B3GLCT: variants seen among roughly 807,000 people sequenced by gnomAD.
The protein encoded by B3GLCT is beta 3-glucosyltransferase.
In B3GLCT, 65 loss-of-function variants were observed where a neutral mutation model predicts 63.4. That is an observed-to-expected ratio of 1.03 (90% CI 0.84 to 1.26). The LOEUF (loss-of-function observed/expected upper bound fraction) is 1.26. Among genes scored for constraint, B3GLCT ranks in the 50% most tolerant of loss-of-function variants. B3GLCT has a pLI of 0.00. For synonymous variants in B3GLCT, 233 were observed against 219.2 expected (o/e 1.06, Z -0.55); for missense variants, 577 against 604.8 (o/e 0.95, Z 0.48).
intron 12 of B3GLCT, among the ~76,000 whole-genome samples, chr13:31,295,240 G>A (rs1222656777): frequency 6.6e-6 from 1 of 152,198 alleles, no homozygotes; most frequent in East Asian, 1.9e-4. Context: ...TGCTGTATGA[G>A]GAGTCTGTCG....
intron 12 of B3GLCT, chr13:31,313,054 A>G (rs1874804415): frequency 6.6e-6 from 1 of 152,226 alleles, no homozygotes; most frequent in Non-Finnish European, 1.5e-5. Context: ...TTGAGCACCA[A>G]CACTTGTCAC....
At chr13:31,245,678 G>A (rs963467204) in intron 4 of B3GLCT, among the ~76,000 whole-genome samples, 10 of 152,104 alleles carry the variant, frequency 6.6e-5, no homozygotes, top group Non-Finnish European at 1.0e-4. Context: ...GCTCACATTT[G>A]CATTTACCCA....
chr13:31,250,080 A>G (rs957306010), intron 6 of B3GLCT, among the ~76,000 whole-genome samples: 1 of 152,154 alleles, frequency 6.6e-6, no homozygotes, highest in Non-Finnish European at 1.5e-5. Flanking sequence ...ATTTCTATAA[A>G]TTTTTGTATG....
In B3GLCT at chr13:31,285,549, T is replaced by C. The variant is rs572880019; in HGVS notation, c.964+788T>C. On this transcript the variant is annotated intron_variant, in intron 11 of 14. Transcript: ENST00000343307. ...TTTATTCATCTTAAGTTTTATCCAG[T>C]GTTCCTGCCACCCTTTGTTCTTTAG... 4.1e-4 allele frequency among the ~76,000 whole-genome samples: 62 copies of C among 150,050 alleles called. 2 individuals carry two copies. The South Asian group carries it at 0.012, about 29-fold the overall frequency.
chr13:31,236,262 A>G (rs1266530084), intron 4 of B3GLCT, among the ~76,000 whole-genome samples: 1 of 152,194 alleles, frequency 6.6e-6, no homozygotes, highest in African/African-American at 2.4e-5. Context: ...AAATAGCTAC[A>G]TTTCTTTAAA....
At chr13:31,237,763 C>T (rs1172352697) in intron 4 of B3GLCT, among the ~76,000 whole-genome samples, 1 of 152,106 alleles carries the variant, frequency 6.6e-6, no homozygotes, top group Non-Finnish European at 1.5e-5. Flanking sequence ...TGTTGGCGTC[C>T]CAGTGCTGTG....
At chr13:31,324,554 C>G (rs1875510407) in intron 14 of B3GLCT, among the ~76,000 whole-genome samples, 1 of 152,104 alleles carries the variant, frequency 6.6e-6, no homozygotes, top group Non-Finnish European at 1.5e-5. Flanking sequence ...AGTGAATTTT[C>G]TTTTAAGAAT....
At chr13:31,256,778 G>T (rs1256980640) in intron 6 of B3GLCT, among the ~76,000 whole-genome samples, 1 of 152,104 alleles carries the variant, frequency 6.6e-6, no homozygotes, top group East Asian at 1.9e-4. Context: ...TGTGGGCGGT[G>T]GGGGGCTTAG....
rs114885586 is a variant in B3GLCT, at chr13:31,260,988, A to G, written c.502A>G (p.Ile168Val). 11 of 1,614,056 alleles carry G rather than the reference A, an allele frequency of 6.8e-6. No individual in the cohort carries two copies. Among genetic ancestry groups the G allele is most frequent in the Middle Eastern group, 3.3e-4 (2 of 6,060 alleles). The change falls in exon 7 of 15, where the codon ATA (isoleucine) becomes GTA (valine). Residue 168 changes from isoleucine (I) to valine (V), a missense_variant. By Grantham distance (29) the Ile-to-Val change is conservative. Coordinates refer to ENST00000343307, the MANE Select transcript of B3GLCT (RefSeq NM_194318.4). Reference sequence around the variant, plus strand: ...AGCATTACATGATGAAGAAGCTACAATAATTCACCATTATGCCTTTTCCGA... The same window carrying G: ...AGCATTACATGATGAAGAAGCTACAGTAATTCACCATTATGCCTTTTCCGA... ...GKALHDEEATIIHHYAFSENP... is the reference protein window; with the variant it reads ...GKALHDEEATVIHHYAFSENP...
chr13:31,208,308 G>A (rs761511228), intron 1 of B3GLCT, among the ~76,000 whole-genome samples: 6 of 152,062 alleles, frequency 3.9e-5, no homozygotes, highest in Non-Finnish European at 8.8e-5. Flanking sequence ...CTCCTTTGCA[G>A]TTTTGTCCTT....
At chr13:31,297,553 T>A (rs1053094786) in intron 12 of B3GLCT, among the ~76,000 whole-genome samples, 15 of 151,520 alleles carry the variant, frequency 9.9e-5, no homozygotes. Context: ...GCAGGGAGAG[T>A]TCTCCTACCC....
At chr13:31,270,777 T>C (rs1222790775) in intron 8 of B3GLCT, among the ~76,000 whole-genome samples, 1 of 152,252 alleles carries the variant, frequency 6.6e-6, no homozygotes, top group Non-Finnish European at 1.5e-5. Flanking sequence ...TTTTGGGCTT[T>C]ATATAAACAA....
intron 9 of B3GLCT, among the ~76,000 whole-genome samples, chr13:31,275,688 T>C (rs1451800176): frequency 6.6e-6 from 1 of 152,052 alleles, no homozygotes; most frequent in Non-Finnish European, 1.5e-5. Context: ...GCTTTTCTCA[T>C]AAGAAAAAAT....
At chr13:31,255,037 C>CAAA (rs59957215) in intron 6 of B3GLCT, among the ~76,000 whole-genome samples, 10 of 130,736 alleles carry the variant, frequency 7.6e-5, no homozygotes, top group Non-Finnish European at 8.1e-5. Flanking sequence ...GACGCTGTCT[C>CAAA]AAAAAAAAAA....
intron 12 of B3GLCT, among the ~76,000 whole-genome samples, chr13:31,291,023 A>AATTTTTGT (rs1454757821): frequency 6.6e-6 from 1 of 151,892 alleles, no homozygotes; most frequent in Non-Finnish European, 1.5e-5. Flanking sequence ...AATCCATTTT[A>AATTTTTGT]ATTTTTGTAT....
At chr13:31,305,362 A>G (rs1165818645) in intron 12 of B3GLCT, among the ~76,000 whole-genome samples, 13 of 113,676 alleles carry the variant, frequency 1.1e-4, no homozygotes, top group African/African-American at 4.0e-4. Flanking sequence ...GACACAAAAA[A>G]CCCTTCAAAA....
intron 12 of B3GLCT, chr13:31,312,603 C>A (rs1009299786): frequency 2.0e-5 from 3 of 152,160 alleles, no homozygotes; most frequent in African/African-American, 7.2e-5. Context: ...AAAAGAAAAT[C>A]TATCTTTGCA....
intron 1 of B3GLCT, 25 bp from the exon 2 acceptor site, chr13:31,215,026 A>G: frequency 6.6e-7 from 1 of 1,518,824 alleles, no homozygotes; most frequent in Non-Finnish European, 8.8e-7. Flanking sequence ...TAAGGTAGAA[A>G]TATTTCTTTT....
intron 1 of B3GLCT, among the ~76,000 whole-genome samples, chr13:31,201,010 T>TAAA (rs11463665): frequency 9.1e-5 from 13 of 143,404 alleles, no homozygotes; most frequent in East Asian, 6.1e-4. Context: ...TGATAAAAGT[T>TAAA]AAAAAAAAAA....
Sources: allele counts gnomAD v4.1 joint callset (sites outside exome capture counted in the v4.1 genomes callset), GRCh38; gene constraint gnomAD v4.1.1; transcripts MANE v1.5; gene names NCBI Gene and HGNC (gene_info 2026-07-23, HGNC 2026-07-21).